THSD4: variants seen among roughly 807,000 people sequenced by gnomAD.
THSD4 encodes the protein thrombospondin type-1 domain-containing protein 4.
Under a neutral mutation model 119.0 loss-of-function variants are expected in THSD4, and 69 were observed. The ratio of observed to expected loss-of-function variants is 0.58; its 90% CI spans 0.48 to 0.71. THSD4 has a LOEUF of 0.71. Among genes scored for constraint, THSD4 ranks in the 30% least tolerant of loss-of-function variants. The probability of loss-of-function intolerance (pLI) is 0.00; values close to 1 mark genes in which losing one functional copy is unlikely to be tolerated. For synonymous variants in THSD4, 524 were observed against 540.4 expected (o/e 0.97, Z 0.42); for missense variants, 1,393 against 1,391.1 (o/e 1.00, Z -0.02).
chr15:71,185,923 T>G (rs1419816732), intron 3 of THSD4: 1 of 152,176 alleles, frequency 6.6e-6, no homozygotes, highest in Non-Finnish European at 1.5e-5. Flanking sequence ...GGCCAGAGTT[T>G]GTGATCACAG....
At chr15:71,287,095 A>T (rs2044727979) in intron 6 of THSD4, among the ~76,000 whole-genome samples, 1 of 152,254 alleles carries the variant, frequency 6.6e-6, no homozygotes, top group Admixed American at 6.5e-5. Context: ...CTGTTTAAGA[A>T]GAATGATATT....
At chr15:71,758,618 A>G (rs542115843) in intron 15 of THSD4, among the ~76,000 whole-genome samples, 105 of 152,314 alleles carry the variant, frequency 6.9e-4, no homozygotes, top group African/African-American at 2.0e-3. Flanking sequence ...CACTCTTCCA[A>G]AATTGAACGT....
chr15:71,321,674 T>C (rs2045271204), intron 6 of THSD4, among the ~76,000 whole-genome samples: 1 of 152,196 alleles, frequency 6.6e-6, no homozygotes, highest in Non-Finnish European at 1.5e-5. Context: ...AACTAAGTTA[T>C]TAAAATATTA....
intron 6 of THSD4, among the ~76,000 whole-genome samples, chr15:71,329,875 G>GT (rs2045399704): frequency 6.6e-6 from 1 of 152,168 alleles, no homozygotes; most frequent in Admixed American, 6.5e-5. Flanking sequence ...GAGCCCATGA[G>GT]TTTGAGACCA....
At chr15:71,740,618 G>A (rs572321147) in intron 11 of THSD4, among the ~76,000 whole-genome samples, 1 of 152,294 alleles carries the variant, frequency 6.6e-6, no homozygotes, top group African/African-American at 2.4e-5. Flanking sequence ...CTCTAATGGA[G>A]CAAACTCATA....
chr15:71,362,970 T>TAAAAAAAAAAAAAAAAA (rs11287381), intron 6 of THSD4, among the ~76,000 whole-genome samples: 1 of 135,024 alleles, frequency 7.4e-6, no homozygotes. Flanking sequence ...GCTGATGAGC[T>TAAAAAAAAAAAAAAAAA]AAAAAAAAAA....
chr15:71,538,694 T>C (rs1478928602), intron 7 of THSD4, among the ~76,000 whole-genome samples: 1 of 152,234 alleles, frequency 6.6e-6, no homozygotes, highest in African/African-American at 2.4e-5. Context: ...TGAGGCCTGA[T>C]AGTTGCATTT....
chr15:71,363,224 TCACACAA>T (rs2045916932), intron 6 of THSD4, among the ~76,000 whole-genome samples: 1 of 152,168 alleles, frequency 6.6e-6, no homozygotes, highest in Non-Finnish European at 1.5e-5. Flanking sequence ...TCTGCTGTGG[TCACACAA>T]AAGCAGCCAT....
chr15:71,395,231 A>G (rs1341126545), intron 6 of THSD4, among the ~76,000 whole-genome samples: 2 of 152,184 alleles, frequency 1.3e-5, no homozygotes, highest in Non-Finnish European at 2.9e-5. Context: ...GTCACTTGTT[A>G]GTGGGTTTTA....
At chr15:71,554,872 T>C (rs1169979406) in intron 7 of THSD4, among the ~76,000 whole-genome samples, 1 of 152,160 alleles carries the variant, frequency 6.6e-6, no homozygotes, top group Non-Finnish European at 1.5e-5. Flanking sequence ...AGAACATATG[T>C]AATATATAAG....
intron 4 of THSD4, among the ~76,000 whole-genome samples, chr15:71,240,278 C>G (rs1035644167): frequency 6.6e-6 from 1 of 152,158 alleles, no homozygotes; most frequent in Non-Finnish European, 1.5e-5. Flanking sequence ...GCAGCCTGTC[C>G]CGGGCCAGCA....
At position 71,149,435 on chromosome 15, in the gene THSD4, G is replaced by A. The variant is rs187729200; in HGVS notation, c.30-5428G>A. On this transcript the variant is annotated intron_variant, in intron 2 of 17. Coordinates refer to ENST00000261862, the MANE Select transcript of THSD4 (RefSeq NM_024817.3). Reference sequence around the variant, plus strand: ...TAATTTTTGTATTTTTAGTAGAGACGGGGTTTCACTGTGTTCGAGACCAGG... The same window carrying A: ...TAATTTTTGTATTTTTAGTAGAGACAGGGTTTCACTGTGTTCGAGACCAGG... 6.6e-4 allele frequency among the ~76,000 whole-genome samples: 100 copies of A among 151,992 alleles called. No individual in the cohort carries two copies. The East Asian group carries it at 0.016, about 24-fold the overall frequency.
At chr15:71,547,554 G>A (rs2048856684) in intron 7 of THSD4, 1 of 1,520,488 alleles carries the variant, frequency 6.6e-7, no homozygotes, top group South Asian at 1.3e-5. Context: ...TATCTACCAA[G>A]AGGGATCAGG....
intron 7 of THSD4, among the ~76,000 whole-genome samples, chr15:71,596,475 T>G (rs1187494324): frequency 6.6e-6 from 1 of 152,240 alleles, no homozygotes; most frequent in African/African-American, 2.4e-5. Context: ...GAAAGCTTAT[T>G]GCTAAGAGTT....
intron 8 of THSD4, among the ~76,000 whole-genome samples, chr15:71,707,149 G>A (rs1045721145): frequency 1.3e-5 from 2 of 152,044 alleles, no homozygotes; most frequent in South Asian, 2.1e-4. Flanking sequence ...TCAGTCTCAC[G>A]CAGCACGAAA....
intron 7 of THSD4, among the ~76,000 whole-genome samples, chr15:71,566,445 C>T (rs1350714970): frequency 6.6e-6 from 1 of 152,156 alleles, no homozygotes; most frequent in African/African-American, 2.4e-5. Flanking sequence ...CTTTAATCTC[C>T]ACCAGAGCCC....
intron 7 of THSD4, among the ~76,000 whole-genome samples, chr15:71,627,673 C>T (rs1356683526): frequency 6.6e-6 from 1 of 152,126 alleles, no homozygotes; most frequent in Admixed American, 6.5e-5. Context: ...AATTAAGAAT[C>T]CCCATGGAAT....
At position 71,325,562 on chromosome 15, in the gene THSD4, T is replaced by C. The variant is rs116171115; in HGVS notation, c.1015+68847T>C. Among the ~76,000 whole-genome samples, 512 of 152,328 alleles carry C rather than the reference T, an allele frequency of 3.4e-3. 1 individual carries two copies. Among genetic ancestry groups the C allele is most frequent in the African/African-American group, 0.012 (495 of 41,586 alleles). On this transcript the variant is annotated intron_variant, in intron 6 of 17. Coordinates refer to ENST00000261862, the MANE Select transcript of THSD4 (RefSeq NM_024817.3). ...GTTCTAAGGGAGTTCAAAACTGGGA[T>C]ATGTCACAGTCACAGTCCTCCCTGG...
At chr15:71,772,747 A>G (rs970169264) in intron 17 of THSD4, among the ~76,000 whole-genome samples, 1 of 152,228 alleles carries the variant, frequency 6.6e-6, no homozygotes, top group Non-Finnish European at 1.5e-5. Flanking sequence ...AGACTCCTTT[A>G]TAAAGGAAAG....
Sources: gnomAD v4.1 joint callset for allele counts (sites outside exome capture counted in the v4.1 genomes callset) on GRCh38, gnomAD v4.1.1 for gene constraint, MANE v1.5 for transcripts, NCBI Gene and HGNC (gene_info 2026-07-23, HGNC 2026-07-21) for gene names.